KIT: variants seen among roughly 807,000 people sequenced by gnomAD.
KIT encodes KIT proto-oncogene, receptor tyrosine kinase.
KIT carries 16 observed loss-of-function variants against 105.7 expected under a neutral mutation model. That is an observed-to-expected ratio of 0.15 (90% CI 0.10 to 0.23). The LOEUF (loss-of-function observed/expected upper bound fraction) is 0.23, where lower values mean the gene tolerates loss of function less well. KIT is among the 10% of genes least tolerant of loss of function. The pLI, the probability that KIT is intolerant of heterozygous loss-of-function variation, is 1.00. For synonymous variants in KIT, 438 were observed against 441.1 expected (o/e 0.99, Z 0.09); for missense variants, 858 against 1,213.8 (o/e 0.71, Z 4.36).
At chr4:54,684,372 CA>C (rs1333115693) in intron 1 of KIT, among the ~76,000 whole-genome samples, 1 of 151,982 alleles carries the variant, frequency 6.6e-6, no homozygotes, top group African/African-American at 2.4e-5. Context: ...AGAGTAGGTC[CA>C]AAAAAAGGGG....
intron 17 of KIT, among the ~76,000 whole-genome samples, chr4:54,736,112 T>C (rs1425898550): frequency 6.6e-6 from 1 of 152,190 alleles, no homozygotes; most frequent in Non-Finnish European, 1.5e-5. Flanking sequence ...CTGGGAAATG[T>C]AGTCCTAATT....
At chr4:54,692,120 A>G (rs553535509) in intron 1 of KIT, among the ~76,000 whole-genome samples, 10 of 152,224 alleles carry the variant, frequency 6.6e-5, no homozygotes, top group Admixed American at 6.5e-4. Context: ...CCCACTTTAC[A>G]GATGAGAAAC....
chr4:54,684,636 C>T (rs1719186426), intron 1 of KIT, among the ~76,000 whole-genome samples: 1 of 152,184 alleles, frequency 6.6e-6, no homozygotes, highest in Admixed American at 6.5e-5. Context: ...GTCCTCCCTC[C>T]ACCTCCTCCC....
intron 1 of KIT, among the ~76,000 whole-genome samples, chr4:54,669,467 T>G (rs1717952094): frequency 6.6e-6 from 1 of 151,970 alleles, no homozygotes; most frequent in Non-Finnish European, 1.5e-5. Context: ...ACACCAGCTC[T>G]GGCGGTACAG....
chr4:54,733,353 G>A (rs900150032), intron 17 of KIT, 161 bp downstream of exon 17: 6 of 684,312 alleles, frequency 8.8e-6, no homozygotes, highest in Non-Finnish European at 1.3e-5. Flanking sequence ...TGCATGGTAT[G>A]CTGAACATTA....
At chr4:54,732,111 G>A (rs2109797318) in intron 16 of KIT, 113 bp downstream of exon 16, 1 of 1,205,360 alleles carries the variant, frequency 8.3e-7, no homozygotes, top group Non-Finnish European at 1.1e-6. Flanking sequence ...AATGCAGAAT[G>A]TCATTTTGAA....
At chr4:54,723,022 T>C (rs1315517988) in intron 7 of KIT, among the ~76,000 whole-genome samples, 1 of 151,940 alleles carries the variant, frequency 6.6e-6, no homozygotes, top group Non-Finnish European at 1.5e-5. Context: ...ATTTTACTCT[T>C]TATGTTCTAG....
chr4:54,681,845 G>T (rs1345303919), intron 1 of KIT, among the ~76,000 whole-genome samples: 1 of 151,944 alleles, frequency 6.6e-6, no homozygotes, highest in Non-Finnish European at 1.5e-5. Context: ...TTCGAGATCA[G>T]CCTGGCCAAC....
At position 54,694,167 on chromosome 4, in the gene KIT, T is replaced by G. The variant is rs536207269; in HGVS notation, c.68-1345T>G. On this transcript the variant is annotated intron_variant, in intron 1 of 20. Coordinates refer to ENST00000288135, the MANE Select transcript of KIT (RefSeq NM_000222.3). Reference sequence around the variant, plus strand: ...GTCATGTGCTCCGCAAGGTACCCTGTTTTTTAGCCAGGCTGGTTTCTGAAT... The same window carrying G: ...GTCATGTGCTCCGCAAGGTACCCTGGTTTTTAGCCAGGCTGGTTTCTGAAT... Among the ~76,000 whole-genome samples, 258 of 152,266 alleles carry G rather than the reference T, an allele frequency of 1.7e-3. 4 individuals are homozygous for G. Among genetic ancestry groups the G allele is most frequent in the Middle Eastern group, 3.4e-3 (1 of 294 alleles).
At chr4:54,717,119 T>G in intron 7 of KIT, among the ~76,000 whole-genome samples, 1 of 152,182 alleles carries the variant, frequency 6.6e-6, no homozygotes, top group Non-Finnish European at 1.5e-5. Flanking sequence ...GATGTGACAC[T>G]CTAATATCTC....
At position 54,727,459 on chromosome 4, in the gene KIT, A is replaced by G. The variant is rs769483857; in HGVS notation, c.1691A>G (p.Asn564Ser). Residue 564 changes from asparagine (N) to serine (S), a missense_variant, in exon 11 of 21, where the codon AAT becomes AGT. By Grantham distance (46) the Asn-to-Ser change is conservative (BLOSUM62 1). Around this residue, in one of 7 missense-constraint regions of KIT, gnomAD observed 78 missense variants for 77.6 expected, o/e 1.01. Transcript: ENST00000288135. ...CAGTGGAAGGTTGTTGAGGAGATAAATGGAAACAATTATGTTTACATAGAC... is the reference window on the plus strand; with the variant it reads ...CAGTGGAAGGTTGTTGAGGAGATAAGTGGAAACAATTATGTTTACATAGAC... The part of the protein sequence containing the change: ...EVQWKVVEEI[N>S]GNNYVYIDPT... 1 of 1,614,148 alleles carries G rather than the reference A, an allele frequency of 6.2e-7. No homozygotes were observed. The highest frequency in any genetic ancestry group is 1.7e-5 in the Admixed American group (1 of 60,014).
chr4:54,687,988 C>A (rs1049216720), intron 1 of KIT, among the ~76,000 whole-genome samples: 1 of 152,134 alleles, frequency 6.6e-6, no homozygotes, highest in African/African-American at 2.4e-5. Flanking sequence ...TTAATGACGA[C>A]GGTGCATTGA....
chr4:54,697,282 A>C (rs1184089327), intron 2 of KIT, among the ~76,000 whole-genome samples: 1 of 152,154 alleles, frequency 6.6e-6, no homozygotes, highest in Non-Finnish European at 1.5e-5. Context: ...CTTTTTTTTC[A>C]AAATTGATCA....
intron 1 of KIT, among the ~76,000 whole-genome samples, chr4:54,678,935 AC>A (rs1008372022): frequency 6.6e-6 from 1 of 151,674 alleles, no homozygotes; most frequent in Non-Finnish European, 1.5e-5. Flanking sequence ...TGCTAACATG[AC>A]CCCCTCCCCC....
At position 54,707,126 on chromosome 4, in the gene KIT, G is replaced by A. The variant is rs769399180; in HGVS notation, c.954G>A (p.Met318Ile). The stretch of plus-strand genomic sequence containing the variant: ...AAGGATTCATTAATATCTTCCCCAT[G>A]ATAAACACTACAGTATTTGTAAACG... ...VDKGFINIFP[M>I]INTTVFVNDG... Residue 318 changes from methionine (M) to isoleucine (I), a missense_variant, in exon 6 of 21, where the codon ATG becomes ATA. Transcript: ENST00000288135. The A allele has an allele frequency of 6.4e-6, 10 of 1,562,954 alleles. 1 individual carries two copies. The South Asian group carries it at 8.9e-5, about 14-fold the overall frequency.
intron 1 of KIT, among the ~76,000 whole-genome samples, chr4:54,679,070 C>T (rs1718720064): frequency 1.3e-5 from 2 of 152,126 alleles, no homozygotes; most frequent in South Asian, 4.2e-4. Context: ...TTACCTTGTC[C>T]CTCTAGAGCT....
chr4:54,659,467 G>T (rs1183032769), intron 1 of KIT, among the ~76,000 whole-genome samples: 1 of 152,170 alleles, frequency 6.6e-6, no homozygotes, highest in African/African-American at 2.4e-5. Context: ...TCAAGCGCTT[G>T]AAAGGAAGCG....
chr4:54,736,879 A>C, intron 19 of KIT, 59 bp downstream of exon 19: 1 of 1,309,576 alleles, frequency 7.6e-7, no homozygotes, highest in Admixed American at 1.8e-5. Flanking sequence ...TTCTTTTTAG[A>C]GACAGAAACC....
At chr4:54,685,025 C>T (rs1560386023) in intron 1 of KIT, among the ~76,000 whole-genome samples, 2 of 152,200 alleles carry the variant, frequency 1.3e-5, no homozygotes, top group Non-Finnish European at 2.9e-5. Flanking sequence ...GCAAAAACCA[C>T]AATTACTTTT....
Sources: allele counts gnomAD v4.1 joint callset (sites outside exome capture counted in the v4.1 genomes callset), GRCh38; gene constraint gnomAD v4.1.1; regional missense constraint gnomAD v4.1.1; transcripts MANE v1.5; gene names NCBI Gene and HGNC (gene_info 2026-07-23, HGNC 2026-07-21).